The following PRTFDC1 variants were observed in gnomAD, a reference collection of about 807,000 sequenced individuals.
PRTFDC1 encodes phosphoribosyltransferase domain-containing protein 1.
A neutral mutation model predicts 34.6 loss-of-function variants in PRTFDC1; 38 were observed. The ratio of observed to expected loss-of-function variants is 1.10; its 90% CI spans 0.85 to 1.44. PRTFDC1 has a LOEUF of 1.44. Ranked by LOEUF, PRTFDC1 falls within the 40% of genes most tolerant of loss-of-function variation. The probability of loss-of-function intolerance (pLI) is 0.00; values close to 1 mark genes in which losing one functional copy is unlikely to be tolerated. For synonymous variants in PRTFDC1, 93 were observed against 98.1 expected, an observed-to-expected ratio of 0.95 and a Z score of 0.31; for missense variants, 270 against 283.0, an observed-to-expected ratio of 0.95 and a Z score of 0.33.
intron 6 of PRTFDC1, 71 bp downstream of exon 6, chr10:24,856,842 T>A: frequency 7.6e-7 from 1 of 1,318,434 alleles, no homozygotes; most frequent in Admixed American, 1.7e-5. Context: ...GGAAAGAGCA[T>A]CCTGTGTTAG....
intron 2 of PRTFDC1, among the ~76,000 whole-genome samples, chr10:24,941,222 G>GT (rs1379667719): frequency 6.6e-6 from 1 of 150,500 alleles, no homozygotes; most frequent in Non-Finnish European, 1.5e-5. Context: ...CCTGACTAAT[G>GT]TTTTTTATTT....
intron 3 of PRTFDC1, 39 bp from the exon 4 acceptor site, chr10:24,872,102 G>T (rs371173713): frequency 1.3e-6 from 2 of 1,532,418 alleles, no homozygotes; most frequent in South Asian, 1.1e-5. Flanking sequence ...CAATTTTACC[G>T]CACAAGAAAA....
At chr10:24,903,714 T>A (rs1445909935) in intron 3 of PRTFDC1, among the ~76,000 whole-genome samples, 2 of 151,832 alleles carry the variant, frequency 1.3e-5, no homozygotes, top group Non-Finnish European at 2.9e-5. Flanking sequence ...ATTCTTTTTT[T>A]TTTTTTTGAG....
intron 3 of PRTFDC1, among the ~76,000 whole-genome samples, chr10:24,924,513 C>T (rs901238004): frequency 6.6e-5 from 10 of 152,192 alleles, no homozygotes; most frequent in Non-Finnish European, 1.2e-4. Flanking sequence ...GCAAAAGAAA[C>T]TATCATCAGA....
intron 3 of PRTFDC1, among the ~76,000 whole-genome samples, chr10:24,881,982 G>A (rs755429419): frequency 2.6e-5 from 4 of 151,952 alleles, no homozygotes; most frequent in East Asian, 3.9e-4. Context: ...TGAGTCAGGC[G>A]GATCACCAGA....
chr10:24,858,955 G>A (rs1354717311), intron 4 of PRTFDC1, among the ~76,000 whole-genome samples: 2 of 152,088 alleles, frequency 1.3e-5, no homozygotes, highest in Non-Finnish European at 1.5e-5. Flanking sequence ...TATTTTTAGC[G>A]AGCTGGTTAG....
chr10:24,934,239 AAGAAGAAGG>A (rs1289109132), intron 3 of PRTFDC1, among the ~76,000 whole-genome samples: 68 of 65,854 alleles, frequency 1.0e-3, no homozygotes, highest in African/African-American at 3.9e-3. Context: ...GAAGAAGAAG[AAGAAGAAGG>A]AGAAGAAGAA....
intron 3 of PRTFDC1, among the ~76,000 whole-genome samples, chr10:24,912,314 G>GT (rs35378162): frequency 0.12 from 13,880 of 118,670 alleles, 1,022 homozygotes; most frequent in East Asian, 0.24. Context: ...TTGCTGAAGA[G>GT]TTTTTTTTTT....
At chr10:24,951,546 CTT>C (rs1849345079) in intron 1 of PRTFDC1, 1 of 985,042 alleles carries the variant, frequency 1.0e-6, no homozygotes, top group African/African-American at 1.7e-5. Flanking sequence ...CCCCAGCCCA[CTT>C]ACTTTAGTTC....
At chr10:24,947,513 G>A (rs1849268460) in intron 1 of PRTFDC1, among the ~76,000 whole-genome samples, 1 of 152,160 alleles carries the variant, frequency 6.6e-6, no homozygotes, top group South Asian at 2.1e-4. Flanking sequence ...CCAAGCTGGG[G>A]GAAGTGACAA....
intron 1 of PRTFDC1, among the ~76,000 whole-genome samples, chr10:24,944,635 T>G (rs1005542503): frequency 6.6e-6 from 1 of 152,014 alleles, no homozygotes. Flanking sequence ...ATTAAAAAAT[T>G]AGCCAGGCAA....
intron 3 of PRTFDC1, among the ~76,000 whole-genome samples, chr10:24,892,420 C>G (rs1358972470): frequency 6.7e-6 from 1 of 150,342 alleles, no homozygotes; most frequent in African/African-American, 2.5e-5. Context: ...TTTTTTTTGT[C>G]TTTTTCATAA....
At chr10:24,851,270 AC>A in intron 8 of PRTFDC1, 117 bp downstream of exon 8, 13 of 1,412,392 alleles carry the variant, frequency 9.2e-6, no homozygotes, top group Non-Finnish European at 1.0e-5. Flanking sequence ...TGCTCACCAT[AC>A]TCCTGACATA....
chr10:24,884,409 C>T (rs1003882742), intron 3 of PRTFDC1, among the ~76,000 whole-genome samples: 4 of 152,016 alleles, frequency 2.6e-5, no homozygotes, highest in African/African-American at 4.8e-5. Flanking sequence ...TCCATGCTAC[C>T]GTATTTGGGC....
At chr10:24,930,799 G>C (rs1470785729) in intron 3 of PRTFDC1, among the ~76,000 whole-genome samples, 1 of 152,156 alleles carries the variant, frequency 6.6e-6, no homozygotes, top group African/African-American at 2.4e-5. Context: ...AATTAATCAA[G>C]TTTGGAGTTT....
intron 3 of PRTFDC1, among the ~76,000 whole-genome samples, chr10:24,880,518 T>C (rs1232496862): frequency 6.6e-6 from 1 of 152,192 alleles, no homozygotes; most frequent in African/African-American, 2.4e-5. Flanking sequence ...TCTCCTGACA[T>C]TGGTTTTGTG....
chr10:24,921,661 G>A (rs2132584215), intron 3 of PRTFDC1, among the ~76,000 whole-genome samples: 1 of 144,756 alleles, frequency 6.9e-6, no homozygotes, highest in Non-Finnish European at 1.5e-5. Context: ...TGTTTTTAAT[G>A]ACATTATTCT....
At chr10:24,851,922 C>G (rs972057762) in intron 7 of PRTFDC1, among the ~76,000 whole-genome samples, 1 of 151,776 alleles carries the variant, frequency 6.6e-6, no homozygotes, top group Non-Finnish European at 1.5e-5. Flanking sequence ...GCAATTCTCC[C>G]GCTGTACTCA....
rs774073685 is a variant in PRTFDC1 at position 24,942,447 on chromosome 10, A to T, written c.49-11T>A. On this transcript the variant is annotated splice_polypyrimidine_tract_variant and intron_variant, in intron 1 of 8. Transcript: ENST00000320152. ...CCAATCATCCATAATCTGCAAATCA[A>T]ATTATTTTGGTTATGGTATTTTTTC... is the stretch of plus-strand genomic sequence containing the variant. 6 of 1,595,884 alleles carry T rather than the reference A, an allele frequency of 3.8e-6. No individual in the cohort carries two copies. The South Asian group carries it at 5.5e-5, about 15-fold the overall frequency.
Sources: allele counts gnomAD v4.1 joint callset (sites outside exome capture counted in the v4.1 genomes callset), GRCh38; gene constraint gnomAD v4.1.1; transcripts MANE v1.5; gene names NCBI Gene and HGNC (gene_info 2026-07-23, HGNC 2026-07-21).